Variants in GATAD1 observed in about 807,000 individuals in gnomAD.
GATAD1 encodes GATA zinc finger domain-containing protein 1.
Under a neutral mutation model 26.5 loss-of-function variants are expected in GATAD1, and 12 were observed. That is an observed-to-expected ratio of 0.45 (90% CI 0.29 to 0.73). The LOEUF is 0.73. GATAD1 is among the 30% of genes least tolerant of loss of function. GATAD1 has a pLI of 0.10. For missense variants in GATAD1, 266 were observed against 342.1 expected (o/e 0.78, Z 1.75); for synonymous variants, 129 against 133.1 (o/e 0.97, Z 0.21).
the GATAD1 span, among the ~76,000 whole-genome samples, chr7:92,490,632 C>CAAA: frequency 0.01 from 819 of 79,606 alleles, 14 homozygotes; most frequent in African/African-American, 0.039. Context: ...GAGACTGTCT[C>CAAA]AAAAAAAAAA....
At chr7:92,450,617 A>G in intron 2 of GATAD1, 84 bp from the exon 3 acceptor site, 1 of 801,454 alleles carries the variant, frequency 1.2e-6, no homozygotes, top group Non-Finnish European at 2.1e-6. Flanking sequence ...TACTTCTCAA[A>G]TTGCAGAACT....
downstream of GATAD1, among the ~76,000 whole-genome samples, chr7:92,463,504 T>TAA (rs370275077): frequency 1.4e-5 from 2 of 146,400 alleles, no homozygotes; most frequent in African/African-American, 5.0e-5. Context: ...TAAAAACAAA[T>TAA]AAAAAAAAAA....
chr7:92,448,936 G>C (rs2115845328), intron 2 of GATAD1, 59 bp downstream of exon 2: 2 of 1,522,960 alleles, frequency 1.3e-6, no homozygotes. Flanking sequence ...TCCTGCCACT[G>C]CCTTCATTTC....
the GATAD1 span, chr7:92,469,112 G>A: frequency 1.0e-5 from 7 of 702,116 alleles, no homozygotes; most frequent in African/African-American, 3.5e-5. Flanking sequence ...CGTTGTATTC[G>A]ATCTCGAATT....
At chr7:92,472,659 A>T in the GATAD1 span, 1 of 152,334 alleles carries the variant, frequency 6.6e-6, no homozygotes, top group East Asian at 1.9e-4. Context: ...TGACCTGGCT[A>T]TTTCGCCATA....
chr7:92,482,039 G>A, the GATAD1 span, among the ~76,000 whole-genome samples: 3 of 152,116 alleles, frequency 2.0e-5, no homozygotes, highest in Admixed American at 2.0e-4. Flanking sequence ...TTAAAGGAGG[G>A]GCTACAAAGT....
intron 3 of GATAD1, among the ~76,000 whole-genome samples, chr7:92,451,010 A>G (rs1413871001): frequency 6.6e-6 from 1 of 152,070 alleles, no homozygotes; most frequent in Non-Finnish European, 1.5e-5. Flanking sequence ...TTTTTAGTGT[A>G]GATTGTAGGA....
At chr7:92,491,683 T>A in the GATAD1 span, 1 of 575,726 alleles carries the variant, frequency 1.7e-6, no homozygotes, top group East Asian at 3.0e-5. Context: ...ATTAAAATTA[T>A]AAAGACAAGA....
At chr7:92,466,849 AC>A in the GATAD1 span, among the ~76,000 whole-genome samples, 1 of 152,166 alleles carries the variant, frequency 6.6e-6, no homozygotes, top group Non-Finnish European at 1.5e-5. Context: ...AACAGGAGTT[AC>A]TTTTATAGCT....
chr7:92,450,684 T>A lies in GATAD1; in HGVS notation c.376-17T>A. The A allele has an allele frequency of 6.3e-7, 1 of 1,578,236 alleles. No homozygotes were observed. Among genetic ancestry groups the A allele is most frequent in the Non-Finnish European group, 8.7e-7 (1 of 1,147,648 alleles). On this transcript the variant is annotated splice_polypyrimidine_tract_variant and intron_variant, in intron 2 of 4. Transcript: ENST00000287957. ...ATACATACTATGAATGTGCTAATGT[T>A]TTTTGTATTTTCATAGCCCATCAAA...
chr7:92,480,253 T>C, the GATAD1 span, among the ~76,000 whole-genome samples: 1 of 152,188 alleles, frequency 6.6e-6, no homozygotes, highest in Non-Finnish European at 1.5e-5. Flanking sequence ...ATGACTGCAG[T>C]GGCCTTCTCA....
At chr7:92,471,071 G>A in the GATAD1 span, 1 of 167,004 alleles carries the variant, frequency 6.0e-6, no homozygotes, top group African/African-American at 2.4e-5. Flanking sequence ...CACTCTGTAA[G>A]CCTCGGGGAA....
the GATAD1 span, chr7:92,475,366 TGG>T: frequency 6.6e-6 from 1 of 152,216 alleles, no homozygotes; most frequent in African/African-American, 2.4e-5. Context: ...GCTTTAGTCC[TGG>T]AGTGTCCTCT....
rs1461502126 is a variant in GATAD1 at position 92,459,750 on chromosome 7, A to G, written c.*3188A>G. On this transcript the variant is annotated 3_prime_UTR_variant, in exon 5 of 5. Coordinates refer to ENST00000287957, the MANE Select transcript of GATAD1 (RefSeq NM_021167.5). ...CTCCTATCCCTTTGGTCCTGGGATG[A>G]CAGGGATGCTGTGTTTTATTTACTC... Among the ~76,000 whole-genome samples the G allele has an allele frequency of 6.6e-6, 1 of 152,202 alleles. No homozygotes were observed. Among genetic ancestry groups the G allele is most frequent in the Non-Finnish European group, 1.5e-5 (1 of 68,032 alleles).
chr7:92,490,197 GTTTC>G, the GATAD1 span: 1 of 389,566 alleles, frequency 2.6e-6, no homozygotes, highest in Non-Finnish European at 4.6e-6. Flanking sequence ...CCAAGGACAG[GTTTC>G]TTCATTTTCA....
downstream of GATAD1, among the ~76,000 whole-genome samples, chr7:92,461,684 A>G (rs1329693812): frequency 2.0e-5 from 3 of 152,236 alleles, no homozygotes; most frequent in African/African-American, 4.8e-5. Context: ...ATTGAAAAGC[A>G]AAGAATAAAA....
At chr7:92,492,950 T>C in the GATAD1 span, 1 of 1,610,770 alleles carries the variant, frequency 6.2e-7, no homozygotes, top group Non-Finnish European at 8.5e-7. Flanking sequence ...TCATATAACT[T>C]GCCTGGAGTC....
At chr7:92,489,348 G>A in the GATAD1 span, 1 of 1,612,654 alleles carries the variant, frequency 6.2e-7, no homozygotes, top group East Asian at 2.2e-5. Context: ...GTGTGACCAA[G>A]TGCAGTCATT....
chr7:92,473,180 T>G, the GATAD1 span: 6 of 152,158 alleles, frequency 3.9e-5, no homozygotes, highest in Non-Finnish European at 7.3e-5. Context: ...CTTCCTCTGG[T>G]ATTTGGGAAA....
Sources: allele counts gnomAD v4.1 joint callset (sites outside exome capture counted in the v4.1 genomes callset), GRCh38; gene constraint gnomAD v4.1.1; transcripts MANE v1.5; gene names NCBI Gene and HGNC (gene_info 2026-07-23, HGNC 2026-07-21).